The following TUSC3 variants were observed in gnomAD, a reference collection of about 807,000 sequenced individuals.
TUSC3 encodes dolichyl-diphosphooligosaccharide--protein glycosyltransferase subunit TUSC3.
Under a neutral mutation model 44.8 loss-of-function variants are expected in TUSC3, and 45 were observed. That is an observed-to-expected ratio of 1.00 (90% CI 0.79 to 1.29). The LOEUF (loss-of-function observed/expected upper bound fraction) is 1.29, where lower values mean the gene tolerates loss of function less well. Ranked by LOEUF, TUSC3 falls within the 50% of genes most tolerant of loss-of-function variation. The pLI is 0.00. For synonymous variants in TUSC3, 212 were observed against 152.9 expected, an observed-to-expected ratio of 1.39 and a Z score of -2.85; for missense variants, 519 against 437.9, an observed-to-expected ratio of 1.19 and a Z score of -1.65.
chr8:15,592,602 C>G (rs1700694576), intron 1 of TUSC3, among the ~76,000 whole-genome samples: 1 of 152,214 alleles, frequency 6.6e-6, no homozygotes, highest in South Asian at 2.1e-4. Flanking sequence ...TGTCTTCTAT[C>G]ATGATTGTGA....
intron 1 of TUSC3, among the ~76,000 whole-genome samples, chr8:15,552,645 C>T (rs1342130382): frequency 2.0e-5 from 3 of 151,552 alleles, no homozygotes; most frequent in Admixed American, 6.6e-5. Flanking sequence ...TTAGAATACA[C>T]AGGGTGGGGG....
intron 6 of TUSC3, among the ~76,000 whole-genome samples, chr8:15,683,876 T>C (rs538876356): frequency 2.6e-5 from 4 of 152,256 alleles, no homozygotes; most frequent in Admixed American, 1.3e-4. Context: ...CTGGCTTCGT[T>C]TCTGAGTACT....
chr8:15,772,005 C>T, the TUSC3 span, among the ~76,000 whole-genome samples: 151 of 152,158 alleles, frequency 9.9e-4, no homozygotes, highest in South Asian at 2.7e-3. Flanking sequence ...AGGAGAATGG[C>T]GTGAACCCAG....
intron 1 of TUSC3, among the ~76,000 whole-genome samples, chr8:15,611,873 A>G (rs1313304850): frequency 6.6e-6 from 1 of 152,210 alleles, no homozygotes; most frequent in Non-Finnish European, 1.5e-5. Context: ...GATTTTTAAG[A>G]TCGAATTTCC....
intron 1 of TUSC3, among the ~76,000 whole-genome samples, chr8:15,460,913 C>A (rs1196765496): frequency 6.6e-6 from 1 of 152,190 alleles, no homozygotes. Context: ...CAGCATCACC[C>A]TGTTTTGGTG....
intron 1 of TUSC3, among the ~76,000 whole-genome samples, chr8:15,442,090 C>G (rs1800028291): frequency 6.6e-6 from 1 of 152,090 alleles, no homozygotes; most frequent in Non-Finnish European, 1.5e-5. Flanking sequence ...TTAACACTGA[C>G]TCCAAACTAT....
the TUSC3 span, among the ~76,000 whole-genome samples, chr8:15,838,305 C>T: frequency 3.3e-5 from 5 of 152,138 alleles, no homozygotes; most frequent in South Asian, 2.1e-4. Context: ...TCATTTTGCA[C>T]CCCATACCAG....
chr8:15,728,385 A>AG (rs1329335877), intron 6 of TUSC3, among the ~76,000 whole-genome samples: 2 of 143,264 alleles, frequency 1.4e-5, no homozygotes, highest in African/African-American at 5.1e-5. Context: ...AGCGGTGAAA[A>AG]GTGGTTGAAT....
At chr8:15,565,458 C>T (rs531433572) in intron 1 of TUSC3, among the ~76,000 whole-genome samples, 1 of 152,170 alleles carries the variant, frequency 6.6e-6, no homozygotes, top group East Asian at 1.9e-4. Flanking sequence ...TTGGGAAGGT[C>T]CCACTTTTCA....
intron 2 of TUSC3, among the ~76,000 whole-genome samples, chr8:15,497,492 C>T (rs1800899307): frequency 6.6e-6 from 1 of 152,252 alleles, no homozygotes. Context: ...AAAACTTACA[C>T]AAACGCTATA....
the TUSC3 span, among the ~76,000 whole-genome samples, chr8:15,829,955 C>T: frequency 6.6e-6 from 1 of 152,078 alleles, no homozygotes; most frequent in Non-Finnish European, 1.5e-5. Flanking sequence ...CAACCAATAT[C>T]TATTTTTTTC....
the TUSC3 span, among the ~76,000 whole-genome samples, chr8:15,795,204 G>A: frequency 6.6e-6 from 1 of 152,050 alleles, no homozygotes; most frequent in Non-Finnish European, 1.5e-5. Flanking sequence ...TTTCTGTATC[G>A]ACCTTTTCAC....
At chr8:15,627,035 C>T (rs1437657133) in intron 2 of TUSC3, among the ~76,000 whole-genome samples, 1 of 152,004 alleles carries the variant, frequency 6.6e-6, no homozygotes, top group East Asian at 1.9e-4. Flanking sequence ...GGTACTTTTT[C>T]CTACTCTCAC....
intron 1 of TUSC3, among the ~76,000 whole-genome samples, chr8:15,429,944 C>T (rs1488099124): frequency 6.6e-6 from 1 of 151,608 alleles, no homozygotes; most frequent in Non-Finnish European, 1.5e-5. Flanking sequence ...GAAGTTGAAT[C>T]TCTGAATAGA....
At chr8:15,704,903 CAGTT>C (rs1451306871) in intron 6 of TUSC3, among the ~76,000 whole-genome samples, 3 of 151,490 alleles carry the variant, frequency 2.0e-5, no homozygotes, top group Non-Finnish European at 2.9e-5. Flanking sequence ...AATCACAAAA[CAGTT>C]AGAACCCATG....
chr8:15,665,365 G>T (rs1309964676), intron 5 of TUSC3, among the ~76,000 whole-genome samples: 1 of 151,500 alleles, frequency 6.6e-6, no homozygotes, highest in Non-Finnish European at 1.5e-5. Flanking sequence ...ACAATTAGCA[G>T]TTGTGTCTTT....
intron 3 of TUSC3, among the ~76,000 whole-genome samples, chr8:15,653,053 T>C (rs1190385271): frequency 6.6e-6 from 1 of 152,236 alleles, no homozygotes; most frequent in Admixed American, 6.5e-5. Context: ...GTATGTCTTT[T>C]TAAAAATCCT....
rs114276292 is a variant in TUSC3 at position 15,672,169 on chromosome 8, G to A, written c.709-1578G>A. 6.6e-3 allele frequency among the ~76,000 whole-genome samples: 1,002 copies of A among 152,082 alleles called. 10 individuals are homozygous for A. Among genetic ancestry groups the A allele is most frequent in the African/African-American group, 0.023 (949 of 41,522 alleles). On this transcript the variant is annotated intron_variant, in intron 5 of 10. Transcript: ENST00000503731. The stretch of plus-strand genomic sequence containing the variant: ...GAGCATGCAGTGCCAGTTAAGGAGC[G>A]GTAGGACATGGAGCTATTTAAGGAG...
intron 1 of TUSC3, among the ~76,000 whole-genome samples, chr8:15,476,799 A>AC (rs1800581799): frequency 6.6e-6 from 1 of 152,206 alleles, no homozygotes; most frequent in Non-Finnish European, 1.5e-5. Flanking sequence ...CACTTGGTGT[A>AC]CACCCCATGC....
Sources: gnomAD v4.1 joint callset for allele counts (sites outside exome capture counted in the v4.1 genomes callset) on GRCh38, gnomAD v4.1.1 for gene constraint, MANE v1.5 for transcripts, NCBI Gene and HGNC (gene_info 2026-07-23, HGNC 2026-07-21) for gene names.